Variants in EXOC4 observed in about 807,000 individuals in gnomAD.
The protein encoded by EXOC4 is exocyst complex component 4.
Under a neutral mutation model 107.2 loss-of-function variants are expected in EXOC4, and 71 were observed. That is an observed-to-expected ratio of 0.66 (90% CI 0.55 to 0.81). The LOEUF (loss-of-function observed/expected upper bound fraction) is 0.81. Ranked by LOEUF, EXOC4 falls within the 30% of genes least tolerant of loss-of-function variation. The pLI, the probability that EXOC4 is intolerant of heterozygous loss-of-function variation, is 0.00. For synonymous variants in EXOC4, 456 were observed against 441.2 expected (o/e 1.03, Z -0.42); for missense variants, 1,108 against 1,189.6 (o/e 0.93, Z 1.01).
intron 17 of EXOC4, among the ~76,000 whole-genome samples, chr7:134,033,831 A>G (rs1446872734): frequency 1.3e-5 from 2 of 152,252 alleles, no homozygotes; most frequent in Non-Finnish European, 2.9e-5. Context: ...ACTTATGATC[A>G]ATAGCACTAA....
intron 10 of EXOC4, among the ~76,000 whole-genome samples, chr7:133,689,703 G>A (rs959326342): frequency 2.6e-5 from 4 of 152,204 alleles, no homozygotes; most frequent in Admixed American, 1.3e-4. Flanking sequence ...TAGGATTGTT[G>A]CTAAAACTGG....
At chr7:133,812,750 A>T (rs1797265444) in intron 10 of EXOC4, among the ~76,000 whole-genome samples, 1 of 152,182 alleles carries the variant, frequency 6.6e-6, no homozygotes, top group Non-Finnish European at 1.5e-5. Context: ...TGTGATGAGA[A>T]CACATAAACT....
chr7:133,563,620 T>C (rs1800851217), intron 9 of EXOC4, among the ~76,000 whole-genome samples: 2 of 152,226 alleles, frequency 1.3e-5, no homozygotes, highest in South Asian at 4.1e-4. Flanking sequence ...CCTAGTTATG[T>C]GTAGCTCGAG....
chr7:133,832,816 T>C (rs531973084), intron 11 of EXOC4, among the ~76,000 whole-genome samples: 5 of 152,282 alleles, frequency 3.3e-5, no homozygotes, highest in Admixed American at 6.5e-5. Flanking sequence ...GGTTTTTTTA[T>C]GTATTGAAAT....
At chr7:133,278,386 G>A (rs1794047432) in intron 2 of EXOC4, among the ~76,000 whole-genome samples, 1 of 152,090 alleles carries the variant, frequency 6.6e-6, no homozygotes, top group African/African-American at 2.4e-5. Context: ...TATAGCAGAT[G>A]GTAAGAAGTG....
At chr7:133,341,219 G>T (rs999937143) in intron 5 of EXOC4, among the ~76,000 whole-genome samples, 3 of 152,114 alleles carry the variant, frequency 2.0e-5, no homozygotes, top group African/African-American at 7.2e-5. Flanking sequence ...CAGAAGTTTT[G>T]ATAGGTTGTA....
At chr7:134,008,054 AGT>A in intron 17 of EXOC4, 1 of 465,076 alleles carries the variant, frequency 2.2e-6, no homozygotes, top group Non-Finnish European at 3.8e-6. Flanking sequence ...GTCTAACCCA[AGT>A]TCTTCTTAAC....
At position 133,608,551 on chromosome 7, in the gene EXOC4, T is replaced by TTC. The variant is rs1183880266; in HGVS notation, c.1418-21493_1418-21492insCT. On this transcript the variant is annotated intron_variant, in intron 9 of 17. Coordinates refer to ENST00000253861, the MANE Select transcript of EXOC4 (RefSeq NM_021807.4). Reference sequence around the variant, plus strand: ...GAAGTAAATATGCTGTATTTCTTTTTTTTTTTTTTTTTTTTTTTGGAGATG... The same window carrying TTC: ...GAAGTAAATATGCTGTATTTCTTTTTTCTTTTTTTTTTTTTTTTTTGGAGATG... 1.5e-4 allele frequency among the ~76,000 whole-genome samples: 21 copies of TTC among 142,140 alleles called. No individual in the cohort carries two copies. The South Asian group carries it at 3.3e-3, about 22-fold the overall frequency. The allele number at this position is 142,140 out of a possible 152,430, so 93.2% of individuals were successfully genotyped here. A position where few individuals can be genotyped will look rare whatever the true frequency, so the allele number is the denominator to read the frequency against.
At position 133,306,013 on chromosome 7, in the gene EXOC4, A is replaced by T. The variant is rs1322693463; in HGVS notation, c.608A>T (p.Lys203Ile). The change falls in exon 4 of 18, where the codon AAA (lysine) becomes ATA (isoleucine). Residue 203 changes from lysine (K) to isoleucine (I), a missense_variant. Physicochemically the swap from Lys to Ile is moderately radical, Grantham distance 102. Transcript: ENST00000253861. ...IDELHRHLYI[K>I]STSRVVQRNK... ...GAACTACACCGGCACCTGTACATCA[A>T]ATCGACTAGCCGAGTTGTGCAGCGT... The T allele has an allele frequency of 6.2e-7, 1 of 1,613,596 alleles. No homozygotes were observed.
chr7:134,042,636 A>G (rs1399590473), intron 17 of EXOC4, among the ~76,000 whole-genome samples: 1 of 152,228 alleles, frequency 6.6e-6, no homozygotes, highest in Non-Finnish European at 1.5e-5. Context: ...CTTTGGGCTC[A>G]GGAGATGCAG....
At chr7:133,785,879 C>T (rs1192359050) in intron 10 of EXOC4, among the ~76,000 whole-genome samples, 1 of 152,052 alleles carries the variant, frequency 6.6e-6, no homozygotes. Context: ...TCACCATAAC[C>T]AGGATGGTCT....
chr7:133,802,869 GGAGA>G (rs1796981082), intron 10 of EXOC4, among the ~76,000 whole-genome samples: 3 of 146,600 alleles, frequency 2.0e-5, no homozygotes, highest in Admixed American at 6.8e-5. Flanking sequence ...AAAAAAAAAA[GGAGA>G]GAGAGAGAAA....
intron 14 of EXOC4, among the ~76,000 whole-genome samples, chr7:133,947,143 A>T (rs958081045): frequency 6.6e-6 from 1 of 152,154 alleles, no homozygotes; most frequent in Non-Finnish European, 1.5e-5. Context: ...ATGCATACTC[A>T]TTGGGTTGCT....
intron 6 of EXOC4, among the ~76,000 whole-genome samples, chr7:133,366,185 A>G (rs1796246254): frequency 6.6e-6 from 1 of 152,198 alleles, no homozygotes; most frequent in South Asian, 2.1e-4. Context: ...AGCATTTTTC[A>G]CAGCTTGATG....
chr7:134,015,873 CA>C (rs55846835), intron 17 of EXOC4, among the ~76,000 whole-genome samples: 55,459 of 109,470 alleles, frequency 0.51, 12,771 homozygotes, highest in East Asian at 0.66. Flanking sequence ...GACTCCGTCT[CA>C]AAAAAAAAAA....
At chr7:133,503,800 C>T (rs1799618880) in intron 9 of EXOC4, among the ~76,000 whole-genome samples, 1 of 151,946 alleles carries the variant, frequency 6.6e-6, no homozygotes, top group Admixed American at 6.6e-5. Flanking sequence ...GATTCTTAAC[C>T]TATGTGTGTT....
rs200416174 is a variant in EXOC4, at chr7:133,755,210, ATG to A, written c.1515-62103_1515-62102del. ...CAGTTAGTAAACCATTTGTTTATAT[ATG>A]TGTGTGTGTGTATATATATATAATA... is the stretch of plus-strand genomic sequence containing the variant. On this transcript the variant is annotated intron_variant, in intron 10 of 17. Transcript: ENST00000253861. Among the ~76,000 whole-genome samples the A allele has an allele frequency of 3.7e-3, 482 of 132,028 alleles. 4 individuals carry two copies. The highest frequency in any genetic ancestry group is 0.012 in the African/African-American group (428 of 34,628). The allele number at this position is 132,028 out of a possible 152,430, so 86.6% of individuals were successfully genotyped here.
intron 14 of EXOC4, among the ~76,000 whole-genome samples, chr7:133,989,247 G>C (rs1451809524): frequency 1.3e-5 from 2 of 152,306 alleles, no homozygotes; most frequent in Non-Finnish European, 2.9e-5. Context: ...ATTCAGGATA[G>C]AGAACAGATG....
At chr7:133,475,499 G>A (rs1798991265) in intron 8 of EXOC4, 26 bp downstream of exon 8, 2 of 1,603,906 alleles carry the variant, frequency 1.2e-6, no homozygotes, top group African/African-American at 1.3e-5. Flanking sequence ...CTGTTAATAG[G>A]TTTTAAGAAT....
Sources: allele counts gnomAD v4.1 joint callset (sites outside exome capture counted in the v4.1 genomes callset), GRCh38; gene constraint gnomAD v4.1.1; transcripts MANE v1.5; gene names NCBI Gene and HGNC (gene_info 2026-07-23, HGNC 2026-07-21).